Variants in ST6GALNAC3 observed in about 807,000 individuals in gnomAD.
ST6GALNAC3 encodes alpha-N-acetylgalactosaminide alpha-2,6-sialyltransferase 3.
In ST6GALNAC3, 25 loss-of-function variants were observed where a neutral mutation model predicts 32.7. The observed-to-expected ratio is 0.76, with a 90% CI of 0.56 to 1.07. The LOEUF is 1.07. Ranked by LOEUF, ST6GALNAC3 falls within the 50% of genes least tolerant of loss-of-function variation. The pLI is 0.00. For synonymous variants in ST6GALNAC3, 129 were observed against 133.1 expected (o/e 0.97, Z 0.21); for missense variants, 355 against 382.4 (o/e 0.93, Z 0.60).
intron 1 of ST6GALNAC3, among the ~76,000 whole-genome samples, chr1:76,087,168 G>A (rs963305401): frequency 2.6e-5 from 4 of 152,144 alleles, no homozygotes; most frequent in East Asian, 1.9e-4. Flanking sequence ...ATTTCTGCAT[G>A]TGACTTCTAA....
intron 3 of ST6GALNAC3, among the ~76,000 whole-genome samples, chr1:76,483,129 G>A (rs1447061579): frequency 2.6e-5 from 4 of 152,178 alleles, no homozygotes; most frequent in Non-Finnish European, 5.9e-5. Context: ...TATCACTGAT[G>A]GACATTTGGG....
intron 2 of ST6GALNAC3, among the ~76,000 whole-genome samples, chr1:76,348,808 C>T (rs1223283971): frequency 6.6e-6 from 1 of 152,004 alleles, no homozygotes; most frequent in Non-Finnish European, 1.5e-5. Flanking sequence ...CAATGTTGAG[C>T]GTCTAACAAT....
intron 1 of ST6GALNAC3, among the ~76,000 whole-genome samples, chr1:76,270,561 A>G (rs1570642396): frequency 6.6e-6 from 1 of 150,924 alleles, no homozygotes; most frequent in East Asian, 1.9e-4. Context: ...AGTTCCTGTC[A>G]TCTCTCTTTA....
At chr1:76,248,855 G>C (rs1425452420) in intron 1 of ST6GALNAC3, among the ~76,000 whole-genome samples, 3 of 151,878 alleles carry the variant, frequency 2.0e-5, no homozygotes, top group Non-Finnish European at 4.4e-5. Flanking sequence ...GACACATTAG[G>C]AAGACTGAGA....
intron 1 of ST6GALNAC3, among the ~76,000 whole-genome samples, chr1:76,259,876 C>T (rs1658125829): frequency 6.6e-6 from 1 of 152,160 alleles, no homozygotes; most frequent in South Asian, 2.1e-4. Flanking sequence ...TGACCCCCTT[C>T]ATTCCCTTCA....
intron 2 of ST6GALNAC3, among the ~76,000 whole-genome samples, chr1:76,372,273 T>A (rs1380853035): frequency 1.3e-5 from 2 of 152,116 alleles, no homozygotes; most frequent in Non-Finnish European, 2.9e-5. Context: ...TCATTTCAGT[T>A]TTTTTAATGT....
chr1:76,396,360 G>A lies in ST6GALNAC3; in HGVS notation c.214-15648G>A, dbSNP rs149900709. On this transcript the variant is annotated intron_variant, in intron 2 of 4. Coordinates refer to ENST00000328299, the MANE Select transcript of ST6GALNAC3 (RefSeq NM_152996.4). ...TGCGCCTGTAGTCCCAGCTACTTGG[G>A]AGGCTGAGGTGGAAGGATCACTTGA... Among the ~76,000 whole-genome samples the A allele has an allele frequency of 8.6e-3, 1,311 of 152,262 alleles. 9 individuals carry two copies. Among genetic ancestry groups the A allele is most frequent in the Admixed American group, 0.018 (269 of 15,294 alleles).
At chr1:76,212,961 A>C (rs1229858201) in intron 1 of ST6GALNAC3, among the ~76,000 whole-genome samples, 7 of 152,222 alleles carry the variant, frequency 4.6e-5, no homozygotes, top group African/African-American at 1.7e-4. Flanking sequence ...CTGTGCTGGA[A>C]ACATTTGGTA....
Position 76,629,144 on chromosome 1 carries a change from A to G in ST6GALNAC3, c.*338A>G. On this transcript the variant is annotated 3_prime_UTR_variant, in exon 5 of 5. Transcript: ENST00000328299. ...AGATAGCTGCCTAGAATTGTTCAAC[A>G]GTGAGTAACTTCCAGAAGCCAAAAG... The G allele has an allele frequency of 9.6e-7, 1 of 1,037,048 alleles. No individual in the cohort carries two copies. The allele number at this position is 1,037,048 out of a possible 1,614,324, so 64.2% of individuals were successfully genotyped here. A position where few individuals can be genotyped will look rare whatever the true frequency, so the allele number is the denominator to read the frequency against.
At chr1:76,161,209 G>A (rs958288432) in intron 1 of ST6GALNAC3, among the ~76,000 whole-genome samples, 7 of 152,170 alleles carry the variant, frequency 4.6e-5, no homozygotes, top group African/African-American at 1.7e-4. Context: ...ATAGAGCACT[G>A]GAGAGGCAAT....
intron 1 of ST6GALNAC3, among the ~76,000 whole-genome samples, chr1:76,204,227 G>T (rs1654695576): frequency 6.6e-6 from 1 of 152,054 alleles, no homozygotes; most frequent in African/African-American, 2.4e-5. Context: ...AAATGCCTGA[G>T]TTATGGCTGA....
intron 1 of ST6GALNAC3, among the ~76,000 whole-genome samples, chr1:76,151,639 C>T (rs72992699): frequency 0.02 from 3,011 of 152,084 alleles, 126 homozygotes; most frequent in African/African-American, 0.069. Flanking sequence ...GAGTGTAGCA[C>T]AGGTGCCTCT....
At chr1:76,392,498 G>A (rs561852534) in intron 2 of ST6GALNAC3, among the ~76,000 whole-genome samples, 1 of 152,154 alleles carries the variant, frequency 6.6e-6, no homozygotes, top group African/African-American at 2.4e-5. Context: ...ATAACTCATT[G>A]TTATTCTTAG....
rs977149478 is a variant in ST6GALNAC3 at position 76,351,404 on chromosome 1, G to T, written c.213+37405G>T. On this transcript the variant is annotated intron_variant, in intron 2 of 4. Coordinates refer to ENST00000328299, the MANE Select transcript of ST6GALNAC3 (RefSeq NM_152996.4). ...CTTCCTGAGTCAGTTTTAAACACTT[G>T]CACATTCCCAGAAAATTCTCTTTTT... Among the ~76,000 whole-genome samples, 7 of 151,882 alleles carry T rather than the reference G, an allele frequency of 4.6e-5. No individual in the cohort carries two copies. In the East Asian group the frequency reaches 1.3e-3, roughly 29 times the overall value.
At chr1:76,457,954 A>G (rs1657966792) in intron 3 of ST6GALNAC3, among the ~76,000 whole-genome samples, 1 of 150,638 alleles carries the variant, frequency 6.6e-6, no homozygotes, top group African/African-American at 2.4e-5. Context: ...GGCAACCTAC[A>G]AAATGGGAGA....
intron 3 of ST6GALNAC3, among the ~76,000 whole-genome samples, chr1:76,574,188 G>A (rs988623767): frequency 2.0e-5 from 3 of 151,976 alleles, no homozygotes; most frequent in African/African-American, 7.3e-5. Context: ...CTGGTATATG[G>A]CACAGTTTTG....
intron 3 of ST6GALNAC3, among the ~76,000 whole-genome samples, chr1:76,484,003 G>A (rs1339839553): frequency 6.6e-6 from 1 of 151,866 alleles, no homozygotes; most frequent in Non-Finnish European, 1.5e-5. Context: ...TCTTGTTTTT[G>A]TCAGGTTTGT....
intron 3 of ST6GALNAC3, among the ~76,000 whole-genome samples, chr1:76,611,205 T>C (rs1647910837): frequency 6.6e-6 from 1 of 151,906 alleles, no homozygotes. Flanking sequence ...GGTATAATAA[T>C]GGTCTCAGAT....
chr1:76,434,070 A>T lies in ST6GALNAC3; in HGVS notation c.623+21653A>T, dbSNP rs1229152617. ...TGCTCACTCCTCACAGAAGGCTTCGAAAAGCAAACCATGGCAGGTCACCCA... is the reference window on the plus strand; with the variant it reads ...TGCTCACTCCTCACAGAAGGCTTCGTAAAGCAAACCATGGCAGGTCACCCA... On this transcript the variant is annotated intron_variant, in intron 3 of 4. Coordinates refer to ENST00000328299, the MANE Select transcript of ST6GALNAC3 (RefSeq NM_152996.4). Among the ~76,000 whole-genome samples, 3 of 152,216 alleles carry T rather than the reference A, an allele frequency of 2.0e-5. No homozygotes were observed. In the East Asian group the frequency reaches 5.8e-4, roughly 29 times the overall value.
Sources: gnomAD v4.1 joint callset for allele counts (sites outside exome capture counted in the v4.1 genomes callset) on GRCh38, gnomAD v4.1.1 for gene constraint, MANE v1.5 for transcripts, NCBI Gene and HGNC (gene_info 2026-07-23, HGNC 2026-07-21) for gene names.